MIDEAS: variants seen among roughly 807,000 people sequenced by gnomAD.
The protein encoded by MIDEAS is mitotic deacetylase associated SANT domain protein, also known as mitotic deacetylase-associated SANT domain protein.
MIDEAS carries 26 observed loss-of-function variants against 102.7 expected under a neutral mutation model. That is an observed-to-expected ratio of 0.25 (90% CI 0.19 to 0.35). The LOEUF is 0.35. Among genes scored for constraint, MIDEAS ranks in the 10% least tolerant of loss-of-function variants. The pLI is 1.00. For synonymous variants in MIDEAS, 585 were observed against 591.0 expected (o/e 0.99, Z 0.15); for missense variants, 1,231 against 1,435.6 (o/e 0.86, Z 2.30).
At chr14:73,731,919 A>C (rs974093518) in intron 3 of MIDEAS, among the ~76,000 whole-genome samples, 3 of 152,250 alleles carry the variant, frequency 2.0e-5, no homozygotes, top group Non-Finnish European at 4.4e-5. Flanking sequence ...AAATAAACAA[A>C]TAACAAAACA....
intron 1 of MIDEAS, among the ~76,000 whole-genome samples, chr14:73,784,855 C>G (rs2053791832): frequency 6.6e-6 from 1 of 152,190 alleles, no homozygotes; most frequent in Non-Finnish European, 1.5e-5. Context: ...CATGTTTGTC[C>G]TCGAGTTTCT....
At chr14:73,740,491 C>T (rs1473489655) in intron 1 of MIDEAS, among the ~76,000 whole-genome samples, 1 of 152,354 alleles carries the variant, frequency 6.6e-6, no homozygotes, top group Middle Eastern at 3.4e-3. Context: ...TCTCTTGTCC[C>T]ACCACCTCAC....
rs1375425296 is a variant in MIDEAS, at chr14:73,757,406, C to T, written c.-248+2357G>A. 2.6e-5 allele frequency among the ~76,000 whole-genome samples: 4 copies of T among 151,988 alleles called. No homozygotes were observed. In the East Asian group the frequency reaches 7.7e-4, roughly 29 times the overall value. The stretch of plus-strand genomic sequence containing the variant: ...TACGTATACTAACTCACAGAATCCT[C>T]ACAGCAACTCTATGAAGGAGATACT... On this transcript the variant is annotated intron_variant, in intron 1 of 12. Coordinates refer to ENST00000423556, the MANE Select transcript of MIDEAS (RefSeq NM_001367710.1).
At chr14:73,754,784 A>C (rs2053460516) in intron 1 of MIDEAS, 1 of 152,078 alleles carries the variant, frequency 6.6e-6, no homozygotes, top group African/African-American at 2.4e-5. Flanking sequence ...ACTTAAGCCC[A>C]TTTCTGAGCT....
At chr14:73,734,431 G>A (rs1190249153) in intron 3 of MIDEAS, among the ~76,000 whole-genome samples, 2 of 152,034 alleles carry the variant, frequency 1.3e-5, no homozygotes, top group African/African-American at 2.4e-5. Context: ...GTTTTGAAAA[G>A]GGGTCTCACT....
At chr14:73,756,301 C>CGCGA (rs2053482417) in intron 1 of MIDEAS, among the ~76,000 whole-genome samples, 1 of 85,398 alleles carries the variant, frequency 1.2e-5, no homozygotes, top group South Asian at 4.5e-4. Context: ...TGTGTGCGCG[C>CGCGA]GCGCGTGCGC....
At chr14:73,721,659 T>C in intron 10 of MIDEAS, 150 bp from the exon 11 acceptor site, 1 of 658,996 alleles carries the variant, frequency 1.5e-6, no homozygotes. Flanking sequence ...GACTCTGGAC[T>C]CTGTCCCCAT....
At chr14:73,772,788 AG>A (rs2053652909) in intron 1 of MIDEAS, among the ~76,000 whole-genome samples, 1 of 120,810 alleles carries the variant, frequency 8.3e-6, no homozygotes, top group South Asian at 2.7e-4. Context: ...TACAGCTTCA[AG>A]TTCTAGTGTG....
rs1368393676 is a variant in MIDEAS, at chr14:73,778,212, G to A, written c.-248+8890C>T. 2.6e-5 allele frequency among the ~76,000 whole-genome samples: 4 copies of A among 151,726 alleles called. 1 individual carries two copies. The highest frequency in any genetic ancestry group is 2.0e-4 in the Admixed American group (3 of 15,212). On this transcript the variant is annotated intron_variant, in intron 1 of 11. Coordinates refer to the MIDEAS transcript ENST00000394071. Reference sequence around the variant, plus strand: ...TCTACTAAAAATACAAAAATTAGCCGGGTGCGGCAGCACACACCTGTAATC... The same window carrying A: ...TCTACTAAAAATACAAAAATTAGCCAGGTGCGGCAGCACACACCTGTAATC...
chr14:73,766,851 ATTTTTTTT>A (rs34401057), intron 1 of MIDEAS, among the ~76,000 whole-genome samples: 2 of 75,902 alleles, frequency 2.6e-5, no homozygotes, highest in Admixed American at 3.3e-4. Context: ...CTGCCCGGCC[ATTTTTTTT>A]TTTTTTTTTT....
rs2053078122 is a variant in MIDEAS, at chr14:73,727,480, C to A, written c.2140G>T (p.Ala714Ser). 3.1e-6 allele frequency: 5 copies of A among 1,613,692 alleles called. No individual in the cohort carries two copies. Among genetic ancestry groups the A allele is most frequent in the Non-Finnish European group, 4.2e-6 (5 of 1,179,868 alleles). ...TPPVLSVMGEATPVSIEPRIN... is the reference protein window; with the variant it reads ...TPPVLSVMGESTPVSIEPRIN... Reference sequence around the variant, plus strand: ...TACGGCTCGATGCTCACTGGGGTGGCCTCCCCCATCACAGAGAGGACAGGC... The same window carrying A: ...TACGGCTCGATGCTCACTGGGGTGGACTCCCCCATCACAGAGAGGACAGGC... The change falls in exon 5 of 13, where the codon GCC becomes TCC. Residue 714 changes from alanine (A) to serine (S), a missense_variant. Ala to Ser is a moderately conservative substitution (Grantham distance 99, BLOSUM62 1). This residue lies in a region of MIDEAS where 391 missense variants were observed against 483.0 expected (regional missense o/e 0.81). Transcript: ENST00000423556.
In MIDEAS at chr14:73,743,778, C is replaced by T. The variant is rs556716839; in HGVS notation, c.-247-3523G>A. Among the ~76,000 whole-genome samples the T allele has an allele frequency of 7.2e-5, 11 of 152,210 alleles. No individual in the cohort carries two copies. The South Asian group carries it at 1.7e-3, about 23-fold the overall frequency. On this transcript the variant is annotated intron_variant, in intron 1 of 12. Coordinates refer to ENST00000423556, the MANE Select transcript of MIDEAS (RefSeq NM_001367710.1). ...GGACCAGCTGCAGGGCCTCTGACAA[C>T]GGATGCAGGAACACTGCAAAAGGAA...
At position 73,716,782 on chromosome 14, in the gene MIDEAS, T is replaced by C. The variant is rs1235397436; in HGVS notation, c.*2061A>G. ...TGAATGATGGAGGTTTCTGTTACCG[T>C]ATGCCCATAAAGGGGCCTGAAACCA... On this transcript the variant is annotated 3_prime_UTR_variant, in exon 13 of 13. Transcript: ENST00000423556. The C allele has an allele frequency of 6.6e-6, 1 of 152,420 alleles. No individual in the cohort carries two copies. Among genetic ancestry groups the C allele is most frequent in the Non-Finnish European group, 1.5e-5 (1 of 68,020 alleles). The allele number at this position is 152,420 out of a possible 1,614,324, so 9.4% of individuals were successfully genotyped here. A position where few individuals can be genotyped will look rare whatever the true frequency, so the allele number is the denominator to read the frequency against.
rs1477666307 is a variant in MIDEAS at position 73,738,637 on chromosome 14, GCCT to G, written c.1369_1371del (p.Arg459del). Reference sequence around the variant, plus strand: ...AAATTGGCCTCCTGGGATGCCCGGCGCCTCCGTCGCGTGCTCTGGATCACTCCG... The same window carrying G: ...AAATTGGCCTCCTGGGATGCCCGGCGCCGTCGCGTGCTCTGGATCACTCCG... On this transcript the variant is annotated inframe_deletion, in exon 2 of 13. Coordinates refer to ENST00000423556, the MANE Select transcript of MIDEAS (RefSeq NM_001367710.1). 6.2e-7 allele frequency: 1 copy of G among 1,612,838 alleles called. No individual in the cohort carries two copies. Among genetic ancestry groups the G allele is most frequent in the Non-Finnish European group, 8.5e-7 (1 of 1,179,476 alleles).
intron 1 of MIDEAS, among the ~76,000 whole-genome samples, chr14:73,775,355 A>G (rs531810057): frequency 1.3e-5 from 2 of 152,176 alleles, no homozygotes; most frequent in African/African-American, 2.4e-5. Flanking sequence ...GTGTTTTAGT[A>G]AAATAATTCA....
chr14:73,763,376 G>A (rs1215475006), upstream of MIDEAS, among the ~76,000 whole-genome samples: 7 of 152,164 alleles, frequency 4.6e-5, no homozygotes, highest in Non-Finnish European at 8.8e-5. Flanking sequence ...ATTTTATGGT[G>A]TGTGAAGTAT....
intron 1 of MIDEAS, among the ~76,000 whole-genome samples, chr14:73,753,176 G>A (rs890895548): frequency 6.6e-6 from 1 of 152,248 alleles, no homozygotes; most frequent in Non-Finnish European, 1.5e-5. Flanking sequence ...GTCCTCCACA[G>A]AAGGGCCTCA....
chr14:73,720,346 C>T (rs1566581134), intron 11 of MIDEAS, among the ~76,000 whole-genome samples: 1 of 149,206 alleles, frequency 6.7e-6, no homozygotes, highest in East Asian at 2.0e-4. Context: ...CTCCTGGGTT[C>T]AAGTGATTCT....
rs1169149967 is a variant in MIDEAS at position 73,717,879 on chromosome 14, GGGTGC to G, written c.*959_*963del. 6.6e-6 allele frequency: 1 copy of G among 152,422 alleles called. No homozygotes were observed. Among genetic ancestry groups the G allele is most frequent in the East Asian group, 1.9e-4 (1 of 5,170 alleles). 9.4% of individuals were successfully genotyped at this position (152,422 alleles called of 1,614,324 possible). A position where few individuals can be genotyped will look rare whatever the true frequency, so the allele number is the denominator to read the frequency against. On this transcript the variant is annotated 3_prime_UTR_variant, in exon 13 of 13. Coordinates refer to ENST00000423556, the MANE Select transcript of MIDEAS (RefSeq NM_001367710.1). ...GGGTTGTGGATATCGACACTGGGTA[GGGTGC>G]GGTGGGGTTAGGTGTAGCTGCTGAG...
Sources: gnomAD v4.1 joint callset for allele counts (sites outside exome capture counted in the v4.1 genomes callset) on GRCh38, gnomAD v4.1.1 for gene constraint, gnomAD v4.1.1 regional missense constraint, MANE v1.5 for transcripts, NCBI Gene and HGNC (gene_info 2026-07-23, HGNC 2026-07-21) for gene names.